Variants in MN1 observed in about 807,000 individuals in gnomAD.
The protein encoded by MN1 is MN1 proto-oncogene, transcriptional regulator.
In MN1, 19 loss-of-function variants were observed where a neutral mutation model predicts 86.9. The ratio of observed to expected loss-of-function variants is 0.22; its 90% CI spans 0.15 to 0.32. The LOEUF (loss-of-function observed/expected upper bound fraction) is 0.32. MN1 is among the 10% of genes least tolerant of loss of function. The pLI is 1.00. For synonymous variants in MN1, 928 were observed against 849.6 expected, an observed-to-expected ratio of 1.09 and a Z score of -1.60; for missense variants, 1,841 against 1,862.0, an observed-to-expected ratio of 0.99 and a Z score of 0.21.
chr22:27,762,491 C>T (rs1311288937), intron 1 of MN1, among the ~76,000 whole-genome samples: 3 of 152,082 alleles, frequency 2.0e-5, no homozygotes, highest in African/African-American at 7.2e-5. Context: ...GCTGGTAATA[C>T]CGGTAATGCT....
At chr22:27,783,045 T>G (rs932368284) in intron 1 of MN1, among the ~76,000 whole-genome samples, 1 of 151,670 alleles carries the variant, frequency 6.6e-6, no homozygotes, top group Non-Finnish European at 1.5e-5. Flanking sequence ...GGTCAAGAAT[T>G]CTCTCCTGCA....
At position 27,769,552 on chromosome 22, in the gene MN1, A is replaced by ATTTTTTTTTTTTTTTTTTT. The variant is rs58248602; in HGVS notation, c.3782-18457_3782-18456insAAAAAAAAAAAAAAAAAAA. ...CGAAGCAATAATATCAAGGATGCCA[A>ATTTTTTTTTTTTTTTTTTT]TTTTTTTTTTTTTTTTTTGAGACAG... On this transcript the variant is annotated intron_variant, in intron 1 of 1. Coordinates refer to ENST00000302326, the MANE Select transcript of MN1 (RefSeq NM_002430.3). Among the ~76,000 whole-genome samples the ATTTTTTTTTTTTTTTTTTT allele has an allele frequency of 1.7e-4, 14 of 83,282 alleles. 3 individuals carry two copies. The highest frequency in any genetic ancestry group is 2.3e-4 in the Non-Finnish European group (11 of 47,024). 54.6% of individuals were successfully genotyped at this position (83,282 alleles called of 152,430 possible). A position where few individuals can be genotyped will look rare whatever the true frequency, so the allele number is the denominator to read the frequency against.
Position 27,750,793 on chromosome 22 carries a change from A to G in MN1, c.*122T>C. On this transcript the variant is annotated 3_prime_UTR_variant, in exon 2 of 2. Transcript: ENST00000302326. ...GTACCAACCTAGAGAAAAAAAAAAA[A>G]CTCATCCACTCAGCAATAGTGGCCC... 2.4e-6 allele frequency: 2 copies of G among 829,220 alleles called. No homozygotes were observed. Among genetic ancestry groups the G allele is most frequent in the Non-Finnish European group, 3.5e-6 (2 of 566,560 alleles). 51.4% of individuals were successfully genotyped at this position (829,220 alleles called of 1,614,324 possible). A position where few individuals can be genotyped will look rare whatever the true frequency, so the allele number is the denominator to read the frequency against.
In MN1 at chr22:27,781,406, C is replaced by T. The variant is rs551662594; in HGVS notation, c.3781+15357G>A. On this transcript the variant is annotated intron_variant, in intron 1 of 1. Coordinates refer to ENST00000302326, the MANE Select transcript of MN1 (RefSeq NM_002430.3). Reference sequence around the variant, plus strand: ...ATCAGGGACCCATAGCATTCTTCCTCCCTGCAGCCACGACAACCAAAGATC... The same window carrying T: ...ATCAGGGACCCATAGCATTCTTCCTTCCTGCAGCCACGACAACCAAAGATC... Among the ~76,000 whole-genome samples, 22 of 152,312 alleles carry T rather than the reference C, an allele frequency of 1.4e-4. No individual in the cohort carries two copies. In the South Asian group the frequency reaches 3.3e-3, roughly 23 times the overall value.
Position 27,754,271 on chromosome 22 carries a change from C to T in MN1, c.3782-3175G>A, listed in dbSNP as rs143753460. Reference sequence around the variant, plus strand: ...CAGCCATAAGCGTGCCGTGCACTAACGCCAGAAACCATTGCTGTTCTTATT... The same window carrying T: ...CAGCCATAAGCGTGCCGTGCACTAATGCCAGAAACCATTGCTGTTCTTATT... On this transcript the variant is annotated intron_variant, in intron 1 of 1. Coordinates refer to ENST00000302326, the MANE Select transcript of MN1 (RefSeq NM_002430.3). 3.9e-3 allele frequency among the ~76,000 whole-genome samples: 589 copies of T among 152,330 alleles called. 1 individual carries two copies. Among genetic ancestry groups the T allele is most frequent in the Non-Finnish European group, 6.1e-3 (416 of 68,036 alleles).
intron 1 of MN1, among the ~76,000 whole-genome samples, chr22:27,780,631 G>A (rs1012591549): frequency 2.0e-5 from 3 of 152,144 alleles, no homozygotes; most frequent in Admixed American, 1.3e-4. Flanking sequence ...CTGGCTCCTC[G>A]TCATCACTCA....
chr22:27,755,382 G>A (rs555017225), intron 1 of MN1, among the ~76,000 whole-genome samples: 26 of 152,298 alleles, frequency 1.7e-4, no homozygotes, highest in Non-Finnish European at 3.2e-4. Context: ...TGCCTCACCC[G>A]ATTCAGGCAG....
chr22:27,770,647 GTTATTTTATT>G (rs770647256), intron 1 of MN1, among the ~76,000 whole-genome samples: 1 of 152,106 alleles, frequency 6.6e-6, no homozygotes, highest in Non-Finnish European at 1.5e-5. Context: ...TACAAACCTG[GTTATTTTATT>G]TTATTTTATT....
intron 1 of MN1, among the ~76,000 whole-genome samples, chr22:27,776,760 G>A (rs1276954771): frequency 3.9e-5 from 6 of 152,144 alleles, no homozygotes; most frequent in Non-Finnish European, 7.3e-5. Flanking sequence ...AACTCGGGCG[G>A]ACGCCACATA....
At chr22:27,792,011 C>A (rs1253853161) in intron 1 of MN1, 1 of 152,510 alleles carries the variant, frequency 6.6e-6, no homozygotes, top group Non-Finnish European at 1.5e-5. Context: ...TATTTTATAT[C>A]AGCACAGGGT....
At chr22:27,791,012 C>T (rs1043459212) in intron 1 of MN1, among the ~76,000 whole-genome samples, 5 of 152,154 alleles carry the variant, frequency 3.3e-5, no homozygotes, top group Non-Finnish European at 4.4e-5. Flanking sequence ...TTTCCCCGCT[C>T]GCCTTCAGAA....
chr22:27,764,112 G>A (rs77307133), intron 1 of MN1, among the ~76,000 whole-genome samples: 68 of 152,318 alleles, frequency 4.5e-4, no homozygotes, highest in African/African-American at 1.3e-3. Flanking sequence ...AAGTTAGACC[G>A]TGTTCCTGCC....
At position 27,799,940 on chromosome 22, in the gene MN1, A is replaced by C. The variant is rs1933399484; in HGVS notation, c.604T>G (p.Ser202Ala). 2 of 1,603,226 alleles carry C rather than the reference A, an allele frequency of 1.2e-6. No homozygotes were observed. Among genetic ancestry groups the C allele is most frequent in the African/African-American group, 2.7e-5 (2 of 74,914 alleles). ...PLDQSPNRAASFHGLPSSSGS... is the reference protein window; with the variant it reads ...PLDQSPNRAAAFHGLPSSSGS... ...CTGGAGGACGGCAGGCCGTGGAAGG[A>C]GGCGGCTCGGTTAGGGCTCTGGTCC... Residue 202 changes from serine (S) to alanine (A), a missense_variant, in exon 1 of 2, where the codon TCC (serine) becomes GCC (alanine). Physicochemically the swap from Ser to Ala is moderately conservative, Grantham distance 99. Coordinates refer to ENST00000302326, the MANE Select transcript of MN1 (RefSeq NM_002430.3).
At chr22:27,765,496 CA>C (rs1932862707) in intron 1 of MN1, among the ~76,000 whole-genome samples, 1 of 152,218 alleles carries the variant, frequency 6.6e-6, no homozygotes, top group Non-Finnish European at 1.5e-5. Flanking sequence ...CCACGTCAGG[CA>C]GGAGGGAGAC....
intron 1 of MN1, among the ~76,000 whole-genome samples, chr22:27,761,186 C>T (rs772088991): frequency 6.6e-6 from 1 of 152,172 alleles, no homozygotes; most frequent in Admixed American, 6.5e-5. Flanking sequence ...AAGCATTCTC[C>T]TCCTTTCAAT....
chr22:27,792,757 T>C (rs1933231116), intron 1 of MN1, among the ~76,000 whole-genome samples: 1 of 152,130 alleles, frequency 6.6e-6, no homozygotes, highest in Non-Finnish European at 1.5e-5. Context: ...CATGAAGGCA[T>C]ACAACTCGTG....
intron 1 of MN1, among the ~76,000 whole-genome samples, chr22:27,767,865 C>A (rs1398748850): frequency 6.6e-6 from 1 of 152,032 alleles, no homozygotes; most frequent in Non-Finnish European, 1.5e-5. Flanking sequence ...GGAAGAGAAC[C>A]ACATGCCAGG....
At chr22:27,759,305 G>A (rs764116782) in intron 1 of MN1, among the ~76,000 whole-genome samples, 27 of 152,058 alleles carry the variant, frequency 1.8e-4, no homozygotes, top group Non-Finnish European at 2.2e-4. Flanking sequence ...CCTGGGCCAC[G>A]TCCCCTTCTA....
At chr22:27,785,163 A>T (rs1933109195) in intron 1 of MN1, among the ~76,000 whole-genome samples, 1 of 152,186 alleles carries the variant, frequency 6.6e-6, no homozygotes, top group African/African-American at 2.4e-5. Context: ...AACTATTTTT[A>T]AACGCTAAAG....
Sources: gnomAD v4.1 joint callset for allele counts (sites outside exome capture counted in the v4.1 genomes callset) on GRCh38, gnomAD v4.1.1 for gene constraint, MANE v1.5 for transcripts, NCBI Gene and HGNC (gene_info 2026-07-23, HGNC 2026-07-21) for gene names.